The following EGFR variants were observed in gnomAD, a reference collection of about 807,000 sequenced individuals.
EGFR encodes avian erythroblastic leukemia viral (v-erb-b) oncogene homolog.
EGFR carries 58 observed loss-of-function variants against 143.0 expected under a neutral mutation model. The observed-to-expected ratio is 0.41, with a 90% CI of 0.33 to 0.50. The LOEUF (loss-of-function observed/expected upper bound fraction) is 0.50, where lower values mean the gene tolerates loss of function less well. Among genes scored for constraint, EGFR ranks in the 20% least tolerant of loss-of-function variants. The pLI is 0.39. For synonymous variants in EGFR, 613 were observed against 594.4 expected (o/e 1.03, Z -0.45); for missense variants, 1,307 against 1,579.0 (o/e 0.83, Z 2.92).
chr7:55,165,538 A>G, intron 15 of EGFR, 101 bp downstream of exon 15: 3 of 1,475,776 alleles, frequency 2.0e-6, no homozygotes, highest in Middle Eastern at 2.4e-4. Context: ...CGAGGTTTGT[A>G]TTTGAGTCAG....
intron 1 of EGFR, among the ~76,000 whole-genome samples, chr7:55,031,218 G>C (rs1026576426): frequency 6.6e-6 from 1 of 152,214 alleles, no homozygotes; most frequent in Non-Finnish European, 1.5e-5. Flanking sequence ...TTTCAGGCCT[G>C]TGATGACGTA....
rs529332204 is a variant in EGFR at position 55,038,903 on chromosome 7, C to T, written c.88+19538C>T. 1.5e-4 allele frequency among the ~76,000 whole-genome samples: 23 copies of T among 151,990 alleles called. No homozygotes were observed. The South Asian group carries it at 4.6e-3, about 30-fold the overall frequency. On this transcript the variant is annotated intron_variant, in intron 1 of 27. Coordinates refer to ENST00000275493, the MANE Select transcript of EGFR (RefSeq NM_005228.5). Reference sequence around the variant, plus strand: ...CCTGCCGGCAGGTGCTCTGGTTCTGCACTGCCTGTTGTCCCTTGCCTGAAA... The same window carrying T: ...CCTGCCGGCAGGTGCTCTGGTTCTGTACTGCCTGTTGTCCCTTGCCTGAAA...
At chr7:55,151,402 C>T (rs780798595) in intron 5 of EGFR, 40 bp downstream of exon 5, 3 of 1,599,050 alleles carry the variant, frequency 1.9e-6, no homozygotes, top group Non-Finnish European at 2.6e-6. Flanking sequence ...TGTGACCGCC[C>T]CTCTCTTCCT....
At chr7:55,198,960 A>C (rs2128969114) in intron 23 of EGFR, 97 bp downstream of exon 23, 10 of 1,503,436 alleles carry the variant, frequency 6.7e-6, no homozygotes, top group African/African-American at 2.7e-5. Flanking sequence ...GAGAAATGTC[A>C]TCACATTACT....
Position 55,123,068 on chromosome 7 carries a change from A to G in EGFR, c.89-19218A>G, listed in dbSNP as rs534245169. ...GATGACCAGGCTAGTTTGTAGTAAG[A>G]AAAAATCAACAAGACTAGGTCAGGA... On this transcript the variant is annotated intron_variant, in intron 1 of 27. Coordinates refer to ENST00000275493, the MANE Select transcript of EGFR (RefSeq NM_005228.5). Among the ~76,000 whole-genome samples, 9 of 152,380 alleles carry G rather than the reference A, an allele frequency of 5.9e-5. No individual in the cohort carries two copies. The South Asian group carries it at 1.9e-3, about 32-fold the overall frequency.
At chr7:55,192,646 T>C (rs766780631) in intron 21 of EGFR, 120 bp from the exon 22 acceptor site, 41 of 902,252 alleles carry the variant, frequency 4.5e-5, no homozygotes, top group Admixed American at 1.2e-4. Flanking sequence ...GGGGGACGGG[T>C]CCTGGGGTGA....
chr7:55,075,880 C>T (rs1041407371), intron 1 of EGFR, among the ~76,000 whole-genome samples: 3 of 152,162 alleles, frequency 2.0e-5, no homozygotes, highest in Non-Finnish European at 4.4e-5. Flanking sequence ...ATTAGATGGG[C>T]TGGCTTTCAA....
intron 1 of EGFR, among the ~76,000 whole-genome samples, chr7:55,028,935 G>T (rs1009614328): frequency 1.3e-5 from 2 of 152,022 alleles, no homozygotes; most frequent in South Asian, 2.1e-4. Flanking sequence ...CGAGGCGGGC[G>T]GATCACAAGG....
chr7:55,066,944 T>C (rs1789540581), intron 1 of EGFR, among the ~76,000 whole-genome samples: 1 of 152,130 alleles, frequency 6.6e-6, no homozygotes, highest in South Asian at 2.1e-4. Context: ...ATTACAGAAC[T>C]GGATGCTGAG....
intron 3 of EGFR, 145 bp from the exon 4 acceptor site, chr7:55,146,460 CG>C: frequency 1.6e-6 from 2 of 1,289,642 alleles, no homozygotes; most frequent in African/African-American, 1.5e-5. Flanking sequence ...GGCCGCCCCC[CG>C]GGAAGTTCAC....
At chr7:55,048,457 T>G (rs1360334724) in intron 1 of EGFR, among the ~76,000 whole-genome samples, 1 of 152,246 alleles carries the variant, frequency 6.6e-6, no homozygotes, top group Non-Finnish European at 1.5e-5. Flanking sequence ...GATGCATACC[T>G]GCATCTTTTT....
chr7:55,146,783 G>T (rs2128929755), intron 4 of EGFR, 43 bp downstream of exon 4: 1 of 1,613,458 alleles, frequency 6.2e-7, no homozygotes, highest in Non-Finnish European at 8.5e-7. Flanking sequence ...AGCTCCTATG[G>T]GGGACAGCTC....
intron 1 of EGFR, among the ~76,000 whole-genome samples, chr7:55,031,064 C>A (rs1303495237): frequency 6.6e-6 from 1 of 152,186 alleles, no homozygotes; most frequent in Non-Finnish European, 1.5e-5. Context: ...AGTACTCTGG[C>A]AGAAATTTCC....
At chr7:55,152,087 G>A (rs17336570) in intron 5 of EGFR, among the ~76,000 whole-genome samples, 20 of 152,106 alleles carry the variant, frequency 1.3e-4, no homozygotes, top group African/African-American at 4.8e-4. Flanking sequence ...TTTCCATGTG[G>A]ACCCTGCTTT....
chr7:55,155,202 G>GTCAA (rs1785351141), intron 7 of EGFR, among the ~76,000 whole-genome samples: 1 of 152,258 alleles, frequency 6.6e-6, no homozygotes, highest in African/African-American at 2.4e-5. Flanking sequence ...AGCACTTTGG[G>GTCAA]AGACTGAAGG....
At chr7:55,177,563 G>C (rs1786652609) in intron 19 of EGFR, among the ~76,000 whole-genome samples, 3 of 152,192 alleles carry the variant, frequency 2.0e-5, no homozygotes, top group Admixed American at 2.0e-4. Context: ...CATTCATAAG[G>C]CTGGACGTAC....
At chr7:55,028,131 G>A (rs974057795) in intron 1 of EGFR, among the ~76,000 whole-genome samples, 5 of 151,108 alleles carry the variant, frequency 3.3e-5, no homozygotes, top group African/African-American at 9.7e-5. Flanking sequence ...GATATCTGAC[G>A]ATTTTACCAC....
At chr7:55,200,267 A>G (rs1787787381) in intron 23 of EGFR, 49 bp from the exon 24 acceptor site, 3 of 1,543,022 alleles carry the variant, frequency 1.9e-6, no homozygotes, top group African/African-American at 1.4e-5. Context: ...CATCTTTATC[A>G]TTTCTTCCAG....
intron 1 of EGFR, among the ~76,000 whole-genome samples, chr7:55,126,876 A>G (rs1467569634): frequency 6.6e-6 from 1 of 152,184 alleles, no homozygotes; most frequent in East Asian, 1.9e-4. Flanking sequence ...GTGGATTTTG[A>G]GGTAGAAGGT....
Sources: allele counts gnomAD v4.1 joint callset (sites outside exome capture counted in the v4.1 genomes callset), GRCh38; gene constraint gnomAD v4.1.1; transcripts MANE v1.5; gene names NCBI Gene and HGNC (gene_info 2026-07-23, HGNC 2026-07-21).